CTDSPL2: variants seen among roughly 807,000 people sequenced by gnomAD.
The protein encoded by CTDSPL2 is CTD small phosphatase like 2, also known as CTD small phosphatase-like protein 2.
Under a neutral mutation model 60.0 loss-of-function variants are expected in CTDSPL2, and 5 were observed. That is an observed-to-expected ratio of 0.08 (90% confidence interval 0.04 to 0.18). The LOEUF (loss-of-function observed/expected upper bound fraction) is 0.18. CTDSPL2 is among the 10% of genes least tolerant of loss of function. The pLI is 1.00. For missense variants in CTDSPL2, 370 were observed against 548.8 expected (o/e 0.67, Z 3.26); for synonymous variants, 186 against 189.3 (o/e 0.98, Z 0.14).
At chr15:44,464,004 A>G (rs1273573531) in intron 2 of CTDSPL2, among the ~76,000 whole-genome samples, 1 of 152,144 alleles carries the variant, frequency 6.6e-6, no homozygotes. Flanking sequence ...GACCAATACG[A>G]CAGCTTTTAC....
At chr15:44,492,913 G>C (rs750169717) in intron 5 of CTDSPL2, among the ~76,000 whole-genome samples, 1 of 152,108 alleles carries the variant, frequency 6.6e-6, no homozygotes, top group African/African-American at 2.4e-5. Context: ...CTTCCTGTTC[G>C]ATGTTTGTTC....
At position 44,467,125 on chromosome 15, in the gene CTDSPL2, G is replaced by A. The variant is rs147562794; in HGVS notation, c.186+7925G>A. ...CTGCTGTTGACTGAAACATTGTATG[G>A]CACATGATTCTATTGCCTTGCTCTG... On this transcript the variant is annotated intron_variant, in intron 2 of 12. Transcript: ENST00000260327. 3.6e-3 allele frequency among the ~76,000 whole-genome samples: 543 copies of A among 152,284 alleles called. 3 individuals are homozygous for A. The highest frequency in any genetic ancestry group is 0.012 in the African/African-American group (513 of 41,558).
intron 2 of CTDSPL2, among the ~76,000 whole-genome samples, chr15:44,460,034 C>T (rs1362227787): frequency 1.3e-5 from 2 of 152,208 alleles, no homozygotes; most frequent in Admixed American, 6.5e-5. Flanking sequence ...CTGATACCAA[C>T]TGCTTCGTCT....
rs370097133 is a variant in CTDSPL2 at position 44,462,970 on chromosome 15, G to T, written c.186+3770G>T. Among the ~76,000 whole-genome samples, 36 of 152,080 alleles carry T rather than the reference G, an allele frequency of 2.4e-4. No homozygotes were observed. In the East Asian group the frequency reaches 3.5e-3, roughly 15 times the overall value. ...TCTGCCCACCTCAGCCTCCCAAAGT[G>T]TTGGGATTACAGGCGTGAGCCATCG... On this transcript the variant is annotated intron_variant, in intron 2 of 12. Transcript: ENST00000260327.
intron 7 of CTDSPL2, 66 bp from the exon 8 acceptor site, chr15:44,499,661 A>G (rs966496841): frequency 3.3e-6 from 3 of 922,436 alleles, no homozygotes; most frequent in Non-Finnish European, 5.1e-6. Context: ...GTGATTAAGG[A>G]TAAAAGTATC....
At chr15:44,510,776 CTA>C (rs2081552374) in intron 8 of CTDSPL2, among the ~76,000 whole-genome samples, 1 of 152,166 alleles carries the variant, frequency 6.6e-6, no homozygotes, top group Non-Finnish European at 1.5e-5. Flanking sequence ...GGAGGCATGT[CTA>C]TGTGTGCATC....
At chr15:44,472,643 A>C in intron 2 of CTDSPL2, among the ~76,000 whole-genome samples, 1 of 151,592 alleles carries the variant, frequency 6.6e-6, no homozygotes. Context: ...GACTACAGGC[A>C]TGTGCCACTA....
intron 12 of CTDSPL2, among the ~76,000 whole-genome samples, 161 bp from the exon 13 acceptor site, chr15:44,523,948 T>A (rs967626193): frequency 1.3e-5 from 2 of 152,162 alleles, no homozygotes; most frequent in East Asian, 3.8e-4. Flanking sequence ...CTTTTCAAAA[T>A]CTTAAATTTA....
chr15:44,440,628 CTT>C (rs2080066057), intron 1 of CTDSPL2, among the ~76,000 whole-genome samples: 1 of 151,912 alleles, frequency 6.6e-6, no homozygotes, highest in South Asian at 2.1e-4. Context: ...ATTTACTCAT[CTT>C]TGCAAAAAAT....
At chr15:44,478,089 T>G (rs2140763660) in intron 2 of CTDSPL2, among the ~76,000 whole-genome samples, 1 of 152,286 alleles carries the variant, frequency 6.6e-6, no homozygotes, top group East Asian at 1.9e-4. Flanking sequence ...TTTGATGTGC[T>G]TGATGTTTAT....
chr15:44,515,319 T>A (rs1194889627), intron 10 of CTDSPL2, among the ~76,000 whole-genome samples: 1 of 152,198 alleles, frequency 6.6e-6, no homozygotes, highest in Non-Finnish European at 1.5e-5. Flanking sequence ...TGATTGGAAA[T>A]TACAGTGGGT....
intron 1 of CTDSPL2, among the ~76,000 whole-genome samples, chr15:44,430,290 A>T (rs2079830730): frequency 6.6e-6 from 1 of 151,906 alleles, no homozygotes; most frequent in South Asian, 2.1e-4. Flanking sequence ...TTTTTTAGAG[A>T]TGGGGGTCTC....
At chr15:44,503,614 G>A (rs983882156) in intron 8 of CTDSPL2, 7 of 152,192 alleles carry the variant, frequency 4.6e-5, no homozygotes, top group African/African-American at 1.4e-4. Flanking sequence ...TTTTGAAGAT[G>A]TAATAGAACT....
chr15:44,524,842 G>A lies in CTDSPL2; in HGVS notation c.*668G>A, dbSNP rs953551169. The A allele has an allele frequency of 6.6e-6, 1 of 152,590 alleles. No homozygotes were observed. The highest frequency in any genetic ancestry group is 6.5e-5 in the Admixed American group (1 of 15,272). 9.5% of individuals were successfully genotyped at this position (152,590 alleles called of 1,614,324 possible). A position where few individuals can be genotyped will look rare whatever the true frequency, so the allele number is the denominator to read the frequency against. ...TATTCTCTACTTTTAGTCTATGTAA[G>A]TTTCATTTAGAAAGACATGCATTTA... On this transcript the variant is annotated 3_prime_UTR_variant, in exon 13 of 13. Transcript: ENST00000260327.
rs1659538647 is a variant in CTDSPL2 at position 44,528,904 on chromosome 15, A to G, written c.*4730A>G. The G allele has an allele frequency of 6.6e-6, 1 of 152,134 alleles. No homozygotes were observed. Among genetic ancestry groups the G allele is most frequent in the Non-Finnish European group, 1.5e-5 (1 of 68,010 alleles). 9.4% of individuals were successfully genotyped at this position (152,134 alleles called of 1,614,324 possible). On this transcript the variant is annotated 3_prime_UTR_variant, in exon 13 of 13. Coordinates refer to ENST00000260327, the MANE Select transcript of CTDSPL2 (RefSeq NM_016396.3). ...AAGTCATGGACATTTTAAAATCTCAATTTAATTTCTTCTTATTTACTATGC... is the reference window on the plus strand; with the variant it reads ...AAGTCATGGACATTTTAAAATCTCAGTTTAATTTCTTCTTATTTACTATGC...
intron 1 of CTDSPL2, among the ~76,000 whole-genome samples, chr15:44,433,381 A>G (rs538746883): frequency 1.3e-5 from 2 of 151,670 alleles, no homozygotes; most frequent in South Asian, 4.2e-4. Flanking sequence ...GTGTACTAGT[A>G]GAACATACTT....
At chr15:44,493,008 G>C (rs78404964) in intron 5 of CTDSPL2, among the ~76,000 whole-genome samples, 5 of 152,082 alleles carry the variant, frequency 3.3e-5, no homozygotes, top group African/African-American at 1.2e-4. Flanking sequence ...GTAACTTAGC[G>C]GTTTCTAGAA....
chr15:44,510,984 A>G (rs555116878), intron 8 of CTDSPL2, among the ~76,000 whole-genome samples: 12 of 152,162 alleles, frequency 7.9e-5, no homozygotes, highest in Non-Finnish European at 1.6e-4. Flanking sequence ...CTTATGTCTC[A>G]TCTCTACTTC....
chr15:44,434,569 AT>A (rs1345776046), intron 1 of CTDSPL2, among the ~76,000 whole-genome samples: 2 of 152,130 alleles, frequency 1.3e-5, no homozygotes, highest in Non-Finnish European at 2.9e-5. Flanking sequence ...AAGTTTTAAA[AT>A]TTTTAAATAA....
Sources: allele counts gnomAD v4.1 joint callset (sites outside exome capture counted in the v4.1 genomes callset), GRCh38; gene constraint gnomAD v4.1.1; transcripts MANE v1.5; gene names NCBI Gene and HGNC (gene_info 2026-07-23, HGNC 2026-07-21).